The following ESRRG variants were observed in gnomAD, a reference collection of about 807,000 sequenced individuals.
ESRRG encodes the protein estrogen related receptor gamma, also known as estrogen-related receptor gamma.
In ESRRG, 13 loss-of-function variants were observed where a neutral mutation model predicts 44.0. The observed-to-expected ratio is 0.30, with a 90% CI of 0.19 to 0.47. The LOEUF (loss-of-function observed/expected upper bound fraction) is 0.47. Ranked by LOEUF, ESRRG falls within the 20% of genes least tolerant of loss-of-function variation. The probability of loss-of-function intolerance (pLI) is 1.00; values close to 1 mark genes in which losing one functional copy is unlikely to be tolerated. For synonymous variants in ESRRG, 215 were observed against 214.6 expected (o/e 1.00, Z -0.02); for missense variants, 395 against 580.6 (o/e 0.68, Z 3.29).
chr1:216,807,271 A>G (rs1352160662), intron 2 of ESRRG, among the ~76,000 whole-genome samples: 2 of 152,186 alleles, frequency 1.3e-5, no homozygotes, highest in Non-Finnish European at 2.9e-5. Flanking sequence ...TGGGGATCTC[A>G]TAATTGTCTA....
intron 2 of ESRRG, among the ~76,000 whole-genome samples, chr1:216,669,599 A>T (rs2074717288): frequency 3.9e-5 from 6 of 152,244 alleles, no homozygotes; most frequent in Admixed American, 3.9e-4. Context: ...TTAAGAGTTA[A>T]AGTAGGCTGG....
At chr1:216,815,986 G>T (rs184034135) in intron 2 of ESRRG, among the ~76,000 whole-genome samples, 1 of 152,244 alleles carries the variant, frequency 6.6e-6, no homozygotes, top group Admixed American at 6.5e-5. Flanking sequence ...TGGCAGCCTG[G>T]ATACCAAATG....
intron 2 of ESRRG, among the ~76,000 whole-genome samples, chr1:216,816,586 G>A (rs1254359148): frequency 6.6e-6 from 1 of 152,164 alleles, no homozygotes; most frequent in East Asian, 1.9e-4. Context: ...AACATATCTG[G>A]AATAGAGTTG....
intron 2 of ESRRG, among the ~76,000 whole-genome samples, chr1:216,659,780 T>C (rs1345022664): frequency 1.3e-5 from 2 of 152,080 alleles, no homozygotes; most frequent in Non-Finnish European, 2.9e-5. Context: ...TTCAGGTGAG[T>C]CCCTCTCTTA....
chr1:216,966,035 G>A (rs1043942645), intron 1 of ESRRG, among the ~76,000 whole-genome samples: 1 of 152,172 alleles, frequency 6.6e-6, no homozygotes, highest in Non-Finnish European at 1.5e-5. Flanking sequence ...CTGCTGGTAT[G>A]TGGGCCACAT....
chr1:216,690,726 C>A (rs2078906652), intron 1 of ESRRG, among the ~76,000 whole-genome samples: 1 of 152,200 alleles, frequency 6.6e-6, no homozygotes, highest in African/African-American at 2.4e-5. Flanking sequence ...CTAGAATATT[C>A]TTTTATCAGT....
chr1:216,789,931 T>C (rs2094260203), intron 2 of ESRRG, among the ~76,000 whole-genome samples: 1 of 152,178 alleles, frequency 6.6e-6, no homozygotes, highest in South Asian at 2.1e-4. Flanking sequence ...CACTTCCCAC[T>C]GTACCAGCCA....
At chr1:216,716,979 T>G (rs2085033732) in intron 1 of ESRRG, among the ~76,000 whole-genome samples, 1 of 151,894 alleles carries the variant, frequency 6.6e-6, no homozygotes, top group African/African-American at 2.4e-5. Context: ...TTCATTGTTT[T>G]GCCTCAGTAA....
chr1:216,580,835 T>G (rs1327323507), intron 3 of ESRRG, among the ~76,000 whole-genome samples: 1 of 152,206 alleles, frequency 6.6e-6, no homozygotes, highest in South Asian at 2.1e-4. Context: ...TGGATAGCAT[T>G]AATGAAACAG....
Position 216,962,376 on chromosome 1 carries a change from C to A in ESRRG, c.-105-22703G>T, listed in dbSNP as rs548361500. On this transcript the variant is annotated intron_variant, in intron 1 of 7. Transcript: ENST00000359162. ...CTTCTCTGTCTTCATTCCAAGAAGACAGGGCTTAGTGTAGCTAAGTGCCTA... is the reference window on the plus strand; with the variant it reads ...CTTCTCTGTCTTCATTCCAAGAAGAAAGGGCTTAGTGTAGCTAAGTGCCTA... Among the ~76,000 whole-genome samples, 3 of 152,282 alleles carry A rather than the reference C, an allele frequency of 2.0e-5. No homozygotes were observed. In the East Asian group the frequency reaches 5.8e-4, roughly 29 times the overall value.
At chr1:216,850,028 C>T (rs2095817767) in intron 2 of ESRRG, among the ~76,000 whole-genome samples, 1 of 152,066 alleles carries the variant, frequency 6.6e-6, no homozygotes, top group South Asian at 2.1e-4. Flanking sequence ...GTGTAATGCA[C>T]TTTATATACT....
intron 1 of ESRRG, among the ~76,000 whole-genome samples, chr1:217,121,687 G>A (rs1161589040): frequency 6.6e-6 from 1 of 152,166 alleles, no homozygotes; most frequent in Non-Finnish European, 1.5e-5. Context: ...ACCAAGTCAG[G>A]AATGCAAGTT....
chr1:217,058,557 C>T (rs527349128), intron 1 of ESRRG, among the ~76,000 whole-genome samples: 36 of 152,168 alleles, frequency 2.4e-4, no homozygotes, highest in Admixed American at 3.3e-4. Context: ...TATGCTCTGA[C>T]AATGTAAATA....
At chr1:216,521,948 G>A (rs552823324) in intron 5 of ESRRG, among the ~76,000 whole-genome samples, 1 of 152,212 alleles carries the variant, frequency 6.6e-6, no homozygotes, top group African/African-American at 2.4e-5. Flanking sequence ...GAGAAGGCAC[G>A]CTAGCGACAT....
At chr1:216,800,985 T>G (rs1364394744) in intron 2 of ESRRG, among the ~76,000 whole-genome samples, 1 of 152,204 alleles carries the variant, frequency 6.6e-6, no homozygotes, top group Non-Finnish European at 1.5e-5. Context: ...ACCAATTCTT[T>G]TTTTAATGTT....
At chr1:216,637,560 C>T (rs558138985) in intron 3 of ESRRG, among the ~76,000 whole-genome samples, 1 of 152,090 alleles carries the variant, frequency 6.6e-6, no homozygotes, top group African/African-American at 2.4e-5. Flanking sequence ...AGAGAAGAAC[C>T]AAAAGACATC....
At chr1:216,667,685 C>CAAAAAAAAAAAAAAAAA (rs67275285) in intron 2 of ESRRG, among the ~76,000 whole-genome samples, 1 of 66,224 alleles carries the variant, frequency 1.5e-5, no homozygotes, top group African/African-American at 6.5e-5. Context: ...GACTCCATCT[C>CAAAAAAAAAAAAAAAAA]AAAAAAAAAA....
At chr1:216,937,974 G>A (rs547305257) in intron 2 of ESRRG, among the ~76,000 whole-genome samples, 1 of 151,812 alleles carries the variant, frequency 6.6e-6, no homozygotes, top group African/African-American at 2.4e-5. Context: ...TTTTTCTTGG[G>A]AAACTCTGGA....
chr1:216,668,099 AAAATAAAT>A (rs913714843), intron 2 of ESRRG, among the ~76,000 whole-genome samples: 2 of 152,266 alleles, frequency 1.3e-5, no homozygotes, highest in African/African-American at 4.8e-5. Flanking sequence ...TCCATCTCAA[AAAATAAAT>A]AAATAAATAA....
Sources: allele counts gnomAD v4.1 joint callset (sites outside exome capture counted in the v4.1 genomes callset), GRCh38; gene constraint gnomAD v4.1.1; transcripts MANE v1.5; gene names NCBI Gene and HGNC (gene_info 2026-07-23, HGNC 2026-07-21).